The following CTNNA3 variants were observed in gnomAD, a reference collection of about 807,000 sequenced individuals.
CTNNA3 encodes catenin alpha 3, also known as catenin alpha-3.
A neutral mutation model predicts 95.7 loss-of-function variants in CTNNA3; 76 were observed. The ratio of observed to expected loss-of-function variants is 0.79; its 90% CI spans 0.66 to 0.96. The LOEUF is 0.96. CTNNA3 is among the 40% of genes least tolerant of loss of function. CTNNA3 has a pLI of 0.00. For synonymous variants in CTNNA3, 431 were observed against 374.4 expected (o/e 1.15, Z -1.74); for missense variants, 1,191 against 1,089.8 (o/e 1.09, Z -1.31).
chr10:66,183,987 C>A (rs995270732), intron 13 of CTNNA3, among the ~76,000 whole-genome samples: 37 of 152,136 alleles, frequency 2.4e-4, no homozygotes, highest in African/African-American at 8.4e-4. Flanking sequence ...TATCTTCTCA[C>A]TTTATAACTT....
At chr10:66,792,226 A>C (rs1220645100) in intron 7 of CTNNA3, among the ~76,000 whole-genome samples, 1 of 152,198 alleles carries the variant, frequency 6.6e-6, no homozygotes, top group Non-Finnish European at 1.5e-5. Flanking sequence ...GTTAGAAAAG[A>C]CATTTGAAGT....
chr10:67,168,436 T>C (rs542221389), intron 7 of CTNNA3, among the ~76,000 whole-genome samples: 2 of 152,242 alleles, frequency 1.3e-5, no homozygotes, highest in African/African-American at 4.8e-5. Context: ...TAATCCACCA[T>C]GATCAAGTAG....
chr10:67,140,756 T>C (rs1860519437), intron 7 of CTNNA3, among the ~76,000 whole-genome samples: 1 of 152,212 alleles, frequency 6.6e-6, no homozygotes, highest in East Asian at 1.9e-4. Flanking sequence ...CAAGTCCTAT[T>C]TGGTTTTATG....
Position 67,554,443 on chromosome 10 carries a change from G to A in CTNNA3, c.293-14774C>T, listed in dbSNP as rs187008536. ...GTTGTTTCCTGACTTTCTAATGATC[G>A]CCATTCTAAGTGGTGTGAGATGGTA... On this transcript the variant is annotated intron_variant, in intron 3 of 17. Coordinates refer to ENST00000433211, the MANE Select transcript of CTNNA3 (RefSeq NM_013266.4). Among the ~76,000 whole-genome samples, 561 of 152,204 alleles carry A rather than the reference G, an allele frequency of 3.7e-3. 9 individuals carry two copies. The highest frequency in any genetic ancestry group is 0.013 in the African/African-American group (529 of 41,534).
intron 9 of CTNNA3, among the ~76,000 whole-genome samples, chr10:66,681,769 T>C (rs1420093622): frequency 1.3e-5 from 2 of 152,218 alleles, no homozygotes; most frequent in South Asian, 2.1e-4. Flanking sequence ...CCTCTTTTCC[T>C]ATTCCTCTAA....
At chr10:67,061,607 T>C (rs2133221032) in intron 7 of CTNNA3, among the ~76,000 whole-genome samples, 1 of 152,304 alleles carries the variant, frequency 6.6e-6, no homozygotes, top group Non-Finnish European at 1.5e-5. Context: ...ATTGTAGCAA[T>C]GTTTTAGCAG....
intron 12 of CTNNA3, among the ~76,000 whole-genome samples, chr10:66,300,035 G>C (rs957862150): frequency 6.6e-6 from 1 of 152,088 alleles, no homozygotes; most frequent in South Asian, 2.1e-4. Context: ...TGGGACTACA[G>C]GTGCCTGCCA....
intron 10 of CTNNA3, among the ~76,000 whole-genome samples, chr10:66,601,194 A>G (rs1322591517): frequency 6.6e-6 from 1 of 151,908 alleles, no homozygotes; most frequent in Non-Finnish European, 1.5e-5. Context: ...ACGCACAACC[A>G]TAGCATGCCC....
intron 11 of CTNNA3, among the ~76,000 whole-genome samples, chr10:66,412,260 T>C (rs142500884): frequency 5.0e-4 from 76 of 152,048 alleles, no homozygotes; most frequent in African/African-American, 1.7e-3. Flanking sequence ...AGAGAGATTC[T>C]GGAAAAGAAA....
At chr10:66,879,119 C>T (rs1179250881) in intron 7 of CTNNA3, among the ~76,000 whole-genome samples, 1 of 152,060 alleles carries the variant, frequency 6.6e-6, no homozygotes, top group Non-Finnish European at 1.5e-5. Context: ...CCACTAGTTG[C>T]AGGTTCTAGG....
intron 10 of CTNNA3, among the ~76,000 whole-genome samples, chr10:66,532,416 C>G (rs554061279): frequency 4.0e-5 from 6 of 151,052 alleles, no homozygotes; most frequent in African/African-American, 1.5e-4. Flanking sequence ...GAGCTGAGAT[C>G]GCGCCACTGT....
chr10:67,463,640 C>A (rs1847466643), intron 5 of CTNNA3, among the ~76,000 whole-genome samples: 1 of 152,112 alleles, frequency 6.6e-6, no homozygotes, highest in Admixed American at 6.6e-5. Context: ...GTTACCAAAC[C>A]AGCATCTACA....
chr10:66,339,125 T>A (rs896210265), intron 12 of CTNNA3, among the ~76,000 whole-genome samples: 1 of 151,848 alleles, frequency 6.6e-6, no homozygotes, highest in Non-Finnish European at 1.5e-5. Context: ...GAGAATTAAA[T>A]GTAGCTAACA....
chr10:67,486,732 C>T (rs1848464636), intron 5 of CTNNA3, among the ~76,000 whole-genome samples: 1 of 152,132 alleles, frequency 6.6e-6, no homozygotes, highest in Non-Finnish European at 1.5e-5. Flanking sequence ...GAGCTTTGTC[C>T]TCTGATTTTG....
intron 7 of CTNNA3, among the ~76,000 whole-genome samples, chr10:66,920,584 A>G (rs1846738599): frequency 6.6e-6 from 1 of 152,198 alleles, no homozygotes; most frequent in Non-Finnish European, 1.5e-5. Context: ...CTGTTCAAAA[A>G]CTACCTTTAA....
At chr10:67,375,589 C>A (rs1467211035) in intron 5 of CTNNA3, among the ~76,000 whole-genome samples, 1 of 151,380 alleles carries the variant, frequency 6.6e-6, no homozygotes, top group Non-Finnish European at 1.5e-5. Flanking sequence ...GGCAATAGAG[C>A]AAGACTCTGT....
chr10:67,568,222 G>A (rs1371808500), intron 3 of CTNNA3, among the ~76,000 whole-genome samples: 1 of 142,068 alleles, frequency 7.0e-6, no homozygotes, highest in Non-Finnish European at 1.5e-5. Flanking sequence ...AAGACTCCAG[G>A]CTACAGACTG....
intron 7 of CTNNA3, among the ~76,000 whole-genome samples, chr10:67,075,407 G>A (rs879751755): frequency 6.6e-6 from 1 of 152,150 alleles, no homozygotes; most frequent in Non-Finnish European, 1.5e-5. Context: ...TAAATTCATT[G>A]TAAGAGGTAA....
intron 17 of CTNNA3, among the ~76,000 whole-genome samples, chr10:65,954,214 C>T (rs1186333227): frequency 6.6e-6 from 1 of 152,186 alleles, no homozygotes; most frequent in South Asian, 2.1e-4. Context: ...ATATCCTTCG[C>T]CCACTTTTTG....
Sources: gnomAD v4.1 joint callset for allele counts (sites outside exome capture counted in the v4.1 genomes callset) on GRCh38, gnomAD v4.1.1 for gene constraint, MANE v1.5 for transcripts, NCBI Gene and HGNC (gene_info 2026-07-23, HGNC 2026-07-21) for gene names.